The following SYT1 variants were observed in gnomAD, a reference collection of about 807,000 sequenced individuals.
SYT1 encodes synaptotagmin-1.
SYT1 carries 8 observed loss-of-function variants against 44.8 expected under a neutral mutation model. The ratio of observed to expected loss-of-function variants is 0.18; its 90% CI spans 0.10 to 0.32. The LOEUF is 0.32. Among genes scored for constraint, SYT1 ranks in the 10% least tolerant of loss-of-function variants. The pLI is 1.00. For synonymous variants in SYT1, 154 were observed against 188.8 expected, an observed-to-expected ratio of 0.82 and a Z score of 1.51; for missense variants, 286 against 509.3, an observed-to-expected ratio of 0.56 and a Z score of 4.22.
At chr12:79,424,856 T>TTTG (rs1270562935) in intron 9 of SYT1, among the ~76,000 whole-genome samples, 1 of 151,942 alleles carries the variant, frequency 6.6e-6, no homozygotes, top group Non-Finnish European at 1.5e-5. Context: ...AGTTTTTAAA[T>TTTG]TTGTTATCCA....
rs12809475 is a variant in SYT1, at chr12:78,914,621, A to G, written c.-217+49512A>G. Among the ~76,000 whole-genome samples, 1,321 of 151,614 alleles carry G rather than the reference A, an allele frequency of 8.7e-3. 7 individuals carry two copies. The highest frequency in any genetic ancestry group is 0.014 in the Non-Finnish European group (917 of 67,704). ...TTTCCACTTAAATGCCCTCATTTAC[A>G]TAAGTTTAAATAGACATATGAATTA... On this transcript the variant is annotated intron_variant, in intron 1 of 10. Transcript: ENST00000261205.
chr12:78,961,270 A>C (rs1349215368), intron 1 of SYT1, among the ~76,000 whole-genome samples: 1 of 151,722 alleles, frequency 6.6e-6, no homozygotes, highest in Non-Finnish European at 1.5e-5. Flanking sequence ...CCACTGGCTA[A>C]TTTTTTGAAT....
chr12:79,346,838 T>G (rs1183002728), intron 8 of SYT1, among the ~76,000 whole-genome samples: 1 of 152,214 alleles, frequency 6.6e-6, no homozygotes, highest in Admixed American at 6.5e-5. Flanking sequence ...TTTTATTATG[T>G]GCCTGGAGCT....
At chr12:79,395,037 G>T (rs1884813726) in intron 9 of SYT1, among the ~76,000 whole-genome samples, 1 of 152,058 alleles carries the variant, frequency 6.6e-6, no homozygotes, top group African/African-American at 2.4e-5. Flanking sequence ...TAATTTTAAA[G>T]AACTTGATAC....
chr12:78,938,147 A>G (rs1276684690), intron 1 of SYT1, among the ~76,000 whole-genome samples: 2 of 152,088 alleles, frequency 1.3e-5, no homozygotes, highest in Non-Finnish European at 2.9e-5. Context: ...CACCATTCCC[A>G]TAGCACCTGA....
chr12:78,887,197 T>A (rs1874796266), intron 1 of SYT1, among the ~76,000 whole-genome samples: 1 of 151,976 alleles, frequency 6.6e-6, no homozygotes, highest in Non-Finnish European at 1.5e-5. Context: ...GCCATCCTAC[T>A]CCATCCTGCC....
At position 79,185,252 on chromosome 12, in the gene SYT1, T is replaced by A. The variant is rs1254766616; in HGVS notation, c.-17-32251T>A. ...CAAATAACTAAGTGCTGGAGATTTA[T>A]TAAAATGAAATTAAATGCTACTTAA... On this transcript the variant is annotated intron_variant, in intron 3 of 10. Transcript: ENST00000261205. Among the ~76,000 whole-genome samples, 3 of 152,128 alleles carry A rather than the reference T, an allele frequency of 2.0e-5. No individual in the cohort carries two copies. In the East Asian group the frequency reaches 5.8e-4, roughly 29 times the overall value.
intron 1 of SYT1, among the ~76,000 whole-genome samples, chr12:78,869,619 A>C (rs1873715753): frequency 6.6e-6 from 1 of 152,042 alleles, no homozygotes; most frequent in Admixed American, 6.6e-5. Context: ...TTATTTTAAA[A>C]AAGCAATATT....
At chr12:79,159,101 C>T (rs546696892) in intron 3 of SYT1, among the ~76,000 whole-genome samples, 1 of 152,214 alleles carries the variant, frequency 6.6e-6, no homozygotes, top group Non-Finnish European at 1.5e-5. Flanking sequence ...GCCTCTTATG[C>T]TTTGCTGAAG....
At chr12:78,878,215 T>C (rs1027486358) in intron 1 of SYT1, among the ~76,000 whole-genome samples, 1 of 151,652 alleles carries the variant, frequency 6.6e-6, no homozygotes, top group Non-Finnish European at 1.5e-5. Flanking sequence ...GGATTACCTC[T>C]TTTCCTTTAA....
chr12:78,927,211 C>T (rs555127960), intron 1 of SYT1, among the ~76,000 whole-genome samples: 1 of 152,224 alleles, frequency 6.6e-6, no homozygotes, highest in Admixed American at 6.5e-5. Flanking sequence ...CTCCTTCTTT[C>T]CTGATTTCTC....
intron 1 of SYT1, among the ~76,000 whole-genome samples, chr12:78,873,589 C>A (rs1426249316): frequency 1.3e-5 from 2 of 151,566 alleles, no homozygotes; most frequent in African/African-American, 4.8e-5. Context: ...AGTTCCAAGC[C>A]ACCAAGTAGG....
At chr12:79,322,672 C>G (rs1181986261) in intron 8 of SYT1, among the ~76,000 whole-genome samples, 1 of 152,108 alleles carries the variant, frequency 6.6e-6, no homozygotes, top group South Asian at 2.1e-4. Flanking sequence ...TATGTGGCGT[C>G]TATGGCAGTT....
intron 1 of SYT1, among the ~76,000 whole-genome samples, chr12:78,877,785 C>T (rs566940246): frequency 2.6e-5 from 4 of 151,602 alleles, no homozygotes; most frequent in Admixed American, 6.6e-5. Flanking sequence ...CATACCACCA[C>T]GCCTGGCTAA....
At chr12:79,041,591 A>C (rs374015911) in intron 2 of SYT1, among the ~76,000 whole-genome samples, 12 of 152,090 alleles carry the variant, frequency 7.9e-5, no homozygotes, top group Non-Finnish European at 1.6e-4. Context: ...TTGACTTCTT[A>C]TTTTCCTAAT....
In SYT1 at chr12:79,301,715, G is replaced by A. The variant is rs186891487; in HGVS notation, c.810+2164G>A. 1.6e-3 allele frequency among the ~76,000 whole-genome samples: 243 copies of A among 151,746 alleles called. 1 individual carries two copies. The highest frequency in any genetic ancestry group is 5.1e-3 in the African/African-American group (210 of 41,368). On this transcript the variant is annotated intron_variant, in intron 8 of 10. Coordinates refer to ENST00000261205, the MANE Select transcript of SYT1 (RefSeq NM_005639.3). ...TCTTCCCTCTATTTTTATCTACTTC[G>A]CTATCCTTTTTCTCACCATTGCACT...
At chr12:79,185,910 C>A (rs1441161542) in intron 3 of SYT1, among the ~76,000 whole-genome samples, 1 of 151,682 alleles carries the variant, frequency 6.6e-6, no homozygotes. Context: ...TATTTAAATG[C>A]AATCCTGCAG....
intron 2 of SYT1, among the ~76,000 whole-genome samples, chr12:79,023,087 A>G (rs1490181242): frequency 6.6e-6 from 1 of 151,834 alleles, no homozygotes; most frequent in Non-Finnish European, 1.5e-5. Flanking sequence ...TAGTTTGAGC[A>G]AAGGTCTAAA....
At chr12:79,279,924 A>G (rs988170314) in intron 4 of SYT1, among the ~76,000 whole-genome samples, 3 of 152,154 alleles carry the variant, frequency 2.0e-5, no homozygotes, top group African/African-American at 7.2e-5. Flanking sequence ...ACCTAAAAAT[A>G]TGCTTAACTA....
Sources: allele counts gnomAD v4.1 joint callset (sites outside exome capture counted in the v4.1 genomes callset), GRCh38; gene constraint gnomAD v4.1.1; transcripts MANE v1.5; gene names NCBI Gene and HGNC (gene_info 2026-07-23, HGNC 2026-07-21).